BMP6: variants seen among roughly 807,000 people sequenced by gnomAD.
The protein encoded by BMP6 is bone morphogenetic protein 6.
A neutral mutation model predicts 54.1 loss-of-function variants in BMP6; 17 were observed. The observed-to-expected ratio is 0.31, with a 90% CI of 0.22 to 0.47. The LOEUF (loss-of-function observed/expected upper bound fraction) is 0.47, where lower values mean the gene tolerates loss of function less well. Ranked by LOEUF, BMP6 falls within the 20% of genes least tolerant of loss-of-function variation. The pLI, the probability that BMP6 is intolerant of heterozygous loss-of-function variation, is 1.00. For missense variants in BMP6, 720 were observed against 690.4 expected (o/e 1.04, Z -0.48); for synonymous variants, 328 against 291.2 (o/e 1.13, Z -1.28).
At chr6:7,741,770 T>C (rs1311466461) in intron 1 of BMP6, among the ~76,000 whole-genome samples, 1 of 152,264 alleles carries the variant, frequency 6.6e-6, no homozygotes, top group Non-Finnish European at 1.5e-5. Context: ...TGTTTGCAGC[T>C]GAGCTGCATG....
chr6:7,748,479 G>A (rs1757377556), intron 1 of BMP6, among the ~76,000 whole-genome samples: 1 of 152,198 alleles, frequency 6.6e-6, no homozygotes, highest in African/African-American at 2.4e-5. Context: ...CTGGGTTTCT[G>A]AGGTCTAGAA....
chr6:7,770,245 G>A (rs1757762761), intron 1 of BMP6, among the ~76,000 whole-genome samples: 1 of 152,164 alleles, frequency 6.6e-6, no homozygotes, highest in South Asian at 2.1e-4. Flanking sequence ...CTGTTTTTAA[G>A]CGGTTGAACA....
chr6:7,877,368 T>C (rs559148019), intron 4 of BMP6, among the ~76,000 whole-genome samples: 106 of 152,328 alleles, frequency 7.0e-4, no homozygotes, highest in Admixed American at 1.2e-3. Flanking sequence ...ACACCTGTAA[T>C]CTCAGCACTC....
Position 7,727,041 on chromosome 6 carries a change from C to T in BMP6, c.86C>T (p.Pro29Leu). Residue 29 changes from proline to leucine, a missense_variant, in exon 1 of 7, where the codon CCG becomes CTG. Around this residue, in one of 3 missense-constraint regions of BMP6, gnomAD observed 650 missense variants for 556.3 expected, o/e 1.17. Transcript: ENST00000283147. The stretch of plus-strand genomic sequence containing the variant: ...TGCTGCGGGCCCCCGCCGCTGCGGC[C>T]GCCCTTGCCCGCTGCCGCGGCCGCC... ...CSCCGPPPLR[P>L]PLPAAAAAAA... The T allele has an allele frequency of 8.7e-7, 1 of 1,143,074 alleles. No individual in the cohort carries two copies. The highest frequency in any genetic ancestry group is 4.6e-5 in the East Asian group (1 of 21,948). 70.8% of individuals were successfully genotyped at this position (1,143,074 alleles called of 1,614,324 possible). A position where few individuals can be genotyped will look rare whatever the true frequency, so the allele number is the denominator to read the frequency against.
chr6:7,794,618 A>T (rs978689426), intron 1 of BMP6, among the ~76,000 whole-genome samples: 9 of 148,634 alleles, frequency 6.1e-5, no homozygotes, highest in Non-Finnish European at 1.0e-4. Context: ...AAAAAAAAAA[A>T]AAAGGAGAAG....
At chr6:7,853,412 A>G (rs1759176001) in intron 2 of BMP6, among the ~76,000 whole-genome samples, 1 of 152,228 alleles carries the variant, frequency 6.6e-6, no homozygotes, top group Non-Finnish European at 1.5e-5. Flanking sequence ...ATCCATTTCC[A>G]GGATGGAGGA....
intron 1 of BMP6, among the ~76,000 whole-genome samples, chr6:7,769,602 C>T (rs751756734): frequency 1.3e-5 from 2 of 152,132 alleles, no homozygotes; most frequent in African/African-American, 2.4e-5. Flanking sequence ...AAGGATCACA[C>T]GTAAATCAAG....
At chr6:7,742,772 G>T (rs1477422496) in intron 1 of BMP6, among the ~76,000 whole-genome samples, 2 of 152,140 alleles carry the variant, frequency 1.3e-5, no homozygotes, top group African/African-American at 4.8e-5. Flanking sequence ...TGGAAAAAAT[G>T]TCAAATCAGA....
At chr6:7,872,826 T>C (rs540037297) in intron 4 of BMP6, among the ~76,000 whole-genome samples, 1 of 151,510 alleles carries the variant, frequency 6.6e-6, no homozygotes, top group South Asian at 2.1e-4. Context: ...TTTTTTTTTT[T>C]TTTTGAGACA....
At chr6:7,829,452 C>T (rs970075706) in intron 1 of BMP6, among the ~76,000 whole-genome samples, 3 of 152,108 alleles carry the variant, frequency 2.0e-5, no homozygotes, top group African/African-American at 7.2e-5. Flanking sequence ...ACCTGTAACC[C>T]CAGCACTTTG....
chr6:7,877,954 A>C (rs1176819451), intron 4 of BMP6, among the ~76,000 whole-genome samples: 1 of 151,768 alleles, frequency 6.6e-6, no homozygotes, highest in Middle Eastern at 3.4e-3. Context: ...AGAACCCTGC[A>C]AAGGCTCACT....
At chr6:7,821,054 G>A (rs1187970600) in intron 1 of BMP6, among the ~76,000 whole-genome samples, 1 of 152,254 alleles carries the variant, frequency 6.6e-6, no homozygotes, top group Non-Finnish European at 1.5e-5. Flanking sequence ...AGTGCCTCGG[G>A]TCTGCAGCCC....
At chr6:7,878,102 C>T (rs1759650374) in intron 4 of BMP6, among the ~76,000 whole-genome samples, 1 of 152,114 alleles carries the variant, frequency 6.6e-6, no homozygotes, top group African/African-American at 2.4e-5. Flanking sequence ...CCTCTCACTC[C>T]CACTCTGAAC....
intron 1 of BMP6, among the ~76,000 whole-genome samples, chr6:7,759,568 C>T (rs1229354662): frequency 2.0e-5 from 3 of 151,818 alleles, no homozygotes; most frequent in Admixed American, 1.3e-4. Context: ...TAAACTCTTG[C>T]CTTGAACCTG....
chr6:7,829,842 A>G (rs563459314), intron 1 of BMP6, among the ~76,000 whole-genome samples: 1 of 152,328 alleles, frequency 6.6e-6, no homozygotes, highest in African/African-American at 2.4e-5. Flanking sequence ...GTTGGTCACC[A>G]AATCCGGAAA....
chr6:7,841,724 GCAAT>G (rs1758973607), intron 1 of BMP6, among the ~76,000 whole-genome samples: 1 of 152,118 alleles, frequency 6.6e-6, no homozygotes, highest in Admixed American at 6.5e-5. Flanking sequence ...GTTGTGGGTG[GCAAT>G]CAGAGGCTCG....
intron 1 of BMP6, among the ~76,000 whole-genome samples, chr6:7,818,318 AG>A (rs1202773352): frequency 6.9e-6 from 1 of 144,454 alleles, no homozygotes; most frequent in African/African-American, 2.4e-5. Flanking sequence ...ACTCTGCTAA[AG>A]GGGACTTGGG....
intron 1 of BMP6, among the ~76,000 whole-genome samples, chr6:7,798,114 G>T (rs1758217431): frequency 6.6e-6 from 1 of 152,178 alleles, no homozygotes; most frequent in South Asian, 2.1e-4. Context: ...GTTTGGTGGG[G>T]TGTGAAGTAC....
chr6:7,738,659 G>C (rs1309570952), intron 1 of BMP6, among the ~76,000 whole-genome samples: 1 of 152,214 alleles, frequency 6.6e-6, no homozygotes, highest in African/African-American at 2.4e-5. Context: ...GAAACCCCAG[G>C]CTAGATAATT....
Sources: allele counts gnomAD v4.1 joint callset (sites outside exome capture counted in the v4.1 genomes callset), GRCh38; gene constraint gnomAD v4.1.1; regional missense constraint gnomAD v4.1.1; transcripts MANE v1.5; gene names NCBI Gene and HGNC (gene_info 2026-07-23, HGNC 2026-07-21).